Variants in ANGPT1 observed in about 807,000 individuals in gnomAD.
The protein encoded by ANGPT1 is angiopoietin-1.
Under a neutral mutation model 62.2 loss-of-function variants are expected in ANGPT1, and 17 were observed. That is an observed-to-expected ratio of 0.27 (90% CI 0.19 to 0.41). The LOEUF (loss-of-function observed/expected upper bound fraction) is 0.41. Among genes scored for constraint, ANGPT1 ranks in the 10% least tolerant of loss-of-function variants. The pLI, the probability that ANGPT1 is intolerant of heterozygous loss-of-function variation, is 1.00. For missense variants in ANGPT1, 478 were observed against 594.9 expected, an observed-to-expected ratio of 0.80 and a Z score of 2.04; for synonymous variants, 199 against 198.9, an observed-to-expected ratio of 1.00 and a Z score of 0.00.
intron 1 of ANGPT1, among the ~76,000 whole-genome samples, chr8:107,481,799 C>T (rs1159924784): frequency 6.6e-6 from 1 of 152,068 alleles, no homozygotes; most frequent in Non-Finnish European, 1.5e-5. Flanking sequence ...CATCAGATTC[C>T]GTGAGAACTC....
chr8:107,359,578 A>G (rs2130198106), intron 1 of ANGPT1, among the ~76,000 whole-genome samples: 1 of 152,344 alleles, frequency 6.6e-6, no homozygotes, highest in South Asian at 2.1e-4. Flanking sequence ...ACTTCCTAGC[A>G]GCATTCCATT....
chr8:107,360,258 G>C (rs1331742832), intron 1 of ANGPT1, among the ~76,000 whole-genome samples: 6 of 152,160 alleles, frequency 3.9e-5, no homozygotes, highest in African/African-American at 1.4e-4. Context: ...ACTTCTTGTG[G>C]ATCAGCCAAT....
At chr8:107,430,762 T>A (rs1283683) in intron 1 of ANGPT1, among the ~76,000 whole-genome samples, 18,163 of 152,112 alleles carry the variant, frequency 0.12, 1,472 homozygotes, top group East Asian at 0.44. Flanking sequence ...CAAAGAAATC[T>A]ATTCTCCCTT....
chr8:107,310,975 G>GT (rs1307197072), intron 4 of ANGPT1, among the ~76,000 whole-genome samples: 24 of 98,538 alleles, frequency 2.4e-4, no homozygotes, highest in Admixed American at 3.7e-4. Flanking sequence ...GTATGAGTGT[G>GT]TATGTGAGTG....
intron 7 of ANGPT1, among the ~76,000 whole-genome samples, chr8:107,277,843 C>T (rs1183716169): frequency 6.6e-6 from 1 of 152,096 alleles, no homozygotes; most frequent in Non-Finnish European, 1.5e-5. Context: ...GAGTGGTAGA[C>T]TGTTTCAGGT....
intron 1 of ANGPT1, among the ~76,000 whole-genome samples, chr8:107,462,718 TA>T (rs1812100415): frequency 6.6e-6 from 1 of 152,090 alleles, no homozygotes; most frequent in Non-Finnish European, 1.5e-5. Context: ...CACTACAAAG[TA>T]AAAACTTTTA....
chr8:107,485,132 C>G (rs1812781462), intron 1 of ANGPT1, among the ~76,000 whole-genome samples: 1 of 152,178 alleles, frequency 6.6e-6, no homozygotes, highest in South Asian at 2.1e-4. Context: ...GGCCCCCAAA[C>G]AGCTTGAGCA....
chr8:107,472,070 T>C (rs1433169), intron 1 of ANGPT1, among the ~76,000 whole-genome samples: 7,983 of 152,110 alleles, frequency 0.052, 238 homozygotes, highest in South Asian at 0.11. Context: ...AGGTATTTTG[T>C]AGAAATAATG....
chr8:107,471,764 A>G (rs1563637757), intron 1 of ANGPT1, among the ~76,000 whole-genome samples: 1 of 152,116 alleles, frequency 6.6e-6, no homozygotes. Context: ...ATGAGAAAAT[A>G]TTCATGTTAC....
chr8:107,314,879 C>T (rs1814978416), intron 4 of ANGPT1, among the ~76,000 whole-genome samples: 1 of 152,120 alleles, frequency 6.6e-6, no homozygotes, highest in Non-Finnish European at 1.5e-5. Context: ...AATTTCCTCC[C>T]ATCACTTGTG....
chr8:107,258,085 C>A (rs1813412578), intron 8 of ANGPT1, among the ~76,000 whole-genome samples: 1 of 151,720 alleles, frequency 6.6e-6, no homozygotes, highest in South Asian at 2.1e-4. Context: ...TACCTCCTCT[C>A]TTCTCCCTCA....
At chr8:107,362,857 T>C (rs1816194339) in intron 1 of ANGPT1, among the ~76,000 whole-genome samples, 1 of 152,188 alleles carries the variant, frequency 6.6e-6, no homozygotes, top group South Asian at 2.1e-4. Flanking sequence ...TACATGAGGC[T>C]TACCCAGCTT....
rs549272219 is a variant in ANGPT1 at position 107,419,753 on chromosome 8, A to G, written c.298-72656T>C. Among the ~76,000 whole-genome samples the G allele has an allele frequency of 5.9e-5, 9 of 152,272 alleles. No individual in the cohort carries two copies. The South Asian group carries it at 1.2e-3, about 21-fold the overall frequency. ...ACATGCAAATCGACCCAACAGGACA[A>G]ACTTCAACCCAGCCAAAGCTTTGGG... On this transcript the variant is annotated intron_variant, in intron 1 of 8. Transcript: ENST00000517746.
chr8:107,289,510 G>A (rs1319273520), intron 6 of ANGPT1, among the ~76,000 whole-genome samples: 1 of 152,152 alleles, frequency 6.6e-6, no homozygotes, highest in Non-Finnish European at 1.5e-5. Context: ...AGACAGCGCT[G>A]TGGCTTTCAG....
At chr8:107,373,434 C>A (rs543099430) in intron 1 of ANGPT1, among the ~76,000 whole-genome samples, 24 of 152,152 alleles carry the variant, frequency 1.6e-4, no homozygotes, top group Admixed American at 1.4e-3. Context: ...GAAAATGATA[C>A]AATTGACCAC....
At chr8:107,288,629 A>G (rs1477228996) in intron 6 of ANGPT1, among the ~76,000 whole-genome samples, 1 of 152,152 alleles carries the variant, frequency 6.6e-6, no homozygotes, top group Admixed American at 6.6e-5. Flanking sequence ...CTGAAGGTAG[A>G]GATCCATATA....
chr8:107,322,586 A>T (rs1457688913), intron 3 of ANGPT1: 1 of 183,210 alleles, frequency 5.5e-6, no homozygotes, highest in African/African-American at 2.4e-5. Context: ...ACATTGACTA[A>T]ATTTCACGAT....
chr8:107,411,973 A>T (rs562883989), intron 1 of ANGPT1, among the ~76,000 whole-genome samples: 1 of 152,274 alleles, frequency 6.6e-6, no homozygotes, highest in African/African-American at 2.4e-5. Flanking sequence ...CAGCTTGTAC[A>T]TTCTTGATTC....
chr8:107,351,861 A>G (rs1188759334), intron 1 of ANGPT1, among the ~76,000 whole-genome samples: 3 of 152,190 alleles, frequency 2.0e-5, no homozygotes, highest in Non-Finnish European at 4.4e-5. Context: ...AGGGAATAAC[A>G]ATAATACACA....
Sources: allele counts gnomAD v4.1 joint callset (sites outside exome capture counted in the v4.1 genomes callset), GRCh38; gene constraint gnomAD v4.1.1; transcripts MANE v1.5; gene names NCBI Gene and HGNC (gene_info 2026-07-23, HGNC 2026-07-21).